Variants in COL28A1 observed in about 807,000 individuals in gnomAD.
COL28A1 encodes collagen type XXVIII alpha 1 chain, also known as collagen alpha-1(XXVIII) chain.
COL28A1 carries 161 observed loss-of-function variants against 150.2 expected under a neutral mutation model. The observed-to-expected ratio is 1.07, with a 90% CI of 0.94 to 1.22. The LOEUF is 1.22. Among genes scored for constraint, COL28A1 ranks in the 50% most tolerant of loss-of-function variants. The pLI is 0.00. For missense variants in COL28A1, 1,617 were observed against 1,388.3 expected, an observed-to-expected ratio of 1.16 and a Z score of -2.62; for synonymous variants, 552 against 469.7, an observed-to-expected ratio of 1.18 and a Z score of -2.26.
chr7:7,382,083 G>A (rs1231263869), intron 27 of COL28A1, among the ~76,000 whole-genome samples: 10 of 152,182 alleles, frequency 6.6e-5, no homozygotes, highest in African/African-American at 1.7e-4. Context: ...GCTGAGGCAG[G>A]TGGATCACCT....
At chr7:7,374,440 C>A (rs1044537596) in intron 31 of COL28A1, among the ~76,000 whole-genome samples, 1 of 152,116 alleles carries the variant, frequency 6.6e-6, no homozygotes. Flanking sequence ...CAGTCACCCA[C>A]AATGACAACT....
chr7:7,473,419 C>T (rs1417356434), intron 15 of COL28A1, among the ~76,000 whole-genome samples: 1 of 151,970 alleles, frequency 6.6e-6, no homozygotes, highest in East Asian at 1.9e-4. Flanking sequence ...TACAAATGGC[C>T]AACAAACATG....
chr7:7,473,604 C>A (rs371499408), intron 15 of COL28A1, among the ~76,000 whole-genome samples: 12 of 152,256 alleles, frequency 7.9e-5, no homozygotes, highest in African/African-American at 2.6e-4. Context: ...TAAACTAGTA[C>A]AACCAGTATG....
At chr7:7,521,379 T>G (rs1781715563) in intron 5 of COL28A1, among the ~76,000 whole-genome samples, 1 of 152,214 alleles carries the variant, frequency 6.6e-6, no homozygotes, top group African/African-American at 2.4e-5. Context: ...ATCCTGCCAT[T>G]TATTTTTGGT....
chr7:7,428,854 A>C (rs1378558254), intron 25 of COL28A1, among the ~76,000 whole-genome samples: 1 of 152,240 alleles, frequency 6.6e-6, no homozygotes, highest in Admixed American at 6.5e-5. Flanking sequence ...GGTCTTGCCG[A>C]ATTTGAATTA....
Position 7,531,914 on chromosome 7 carries a change from A to C in COL28A1, c.125-10T>G. The C allele has an allele frequency of 6.4e-7, 1 of 1,554,140 alleles. No individual in the cohort carries two copies. The highest frequency in any genetic ancestry group is 1.7e-4 in the Middle Eastern group (1 of 5,822). ...ATGAAACAAATGGAGCCTGAAACAG[A>C]ATAAACAGGTTAGGCAAAATAATTA... On this transcript the variant is annotated splice_polypyrimidine_tract_variant and intron_variant, in intron 2 of 34. Transcript: ENST00000399429.
chr7:7,526,548 C>G (rs554021426), intron 3 of COL28A1, among the ~76,000 whole-genome samples: 1 of 151,944 alleles, frequency 6.6e-6, no homozygotes, highest in Non-Finnish European at 1.5e-5. Context: ...TAATTCAAGT[C>G]AAATTGTAAT....
intron 32 of COL28A1, 97 bp from the exon 33 acceptor site, chr7:7,370,979 T>C: frequency 1.2e-6 from 1 of 818,310 alleles, no homozygotes; most frequent in Non-Finnish European, 1.9e-6. Flanking sequence ...AAATATGTAA[T>C]TTCCCATTAC....
intron 13 of COL28A1, among the ~76,000 whole-genome samples, chr7:7,479,540 A>T (rs555261914): frequency 1.3e-5 from 2 of 152,356 alleles, no homozygotes; most frequent in South Asian, 4.1e-4. Context: ...TGCTGTTTAC[A>T]TGTGTTTCAA....
At chr7:7,370,583 A>C in intron 33 of COL28A1, 142 bp downstream of exon 33, 1 of 516,950 alleles carries the variant, frequency 1.9e-6, no homozygotes, top group Non-Finnish European at 3.3e-6. Context: ...TCTAGAGTCA[A>C]GATACTAACA....
chr7:7,365,357 A>G (rs1780880897), intron 33 of COL28A1, among the ~76,000 whole-genome samples: 1 of 131,884 alleles, frequency 7.6e-6, no homozygotes, highest in Admixed American at 7.9e-5. Context: ...CTCCAGCTCT[A>G]AGCAGGGACA....
chr7:7,348,830 A>T, the COL28A1 span, among the ~76,000 whole-genome samples: 1 of 151,784 alleles, frequency 6.6e-6, no homozygotes, highest in African/African-American at 2.4e-5. Flanking sequence ...GCAGACTTGA[A>T]CTCCTGGGCT....
chr7:7,419,930 A>G lies in COL28A1; in HGVS notation c.2022T>C (p.Pro674=). ...GAKGEPGVRG[P]PGPSGPRGVG... is the part of the protein sequence containing the mutation. ...CGCCCCGAGGCCCAGAAGGACCTGG[A>G]GGGCCTCTGACCCCAGGCTCTCCCT... Residue 674 remains proline, a synonymous_variant, in exon 26 of 35, where the codon CCT becomes CCC. Transcript: ENST00000399429. 1 of 1,602,288 alleles carries G rather than the reference A, an allele frequency of 6.2e-7. No homozygotes were observed. The highest frequency in any genetic ancestry group is 8.5e-7 in the Non-Finnish European group (1 of 1,174,802).
At chr7:7,360,002 C>G (rs1335201720) in intron 34 of COL28A1, among the ~76,000 whole-genome samples, 1 of 152,122 alleles carries the variant, frequency 6.6e-6, no homozygotes, top group Non-Finnish European at 1.5e-5. Context: ...TCGCTTGTTT[C>G]TCTTTCCTGT....
chr7:7,491,558 A>G (rs1370629088), intron 11 of COL28A1, among the ~76,000 whole-genome samples: 1 of 152,250 alleles, frequency 6.6e-6, no homozygotes. Flanking sequence ...CTGTTACTCA[A>G]AGCCAGAGCA....
At chr7:7,515,187 T>G (rs545726456) in intron 8 of COL28A1, among the ~76,000 whole-genome samples, 63 of 152,364 alleles carry the variant, frequency 4.1e-4, no homozygotes, top group African/African-American at 1.5e-3. Flanking sequence ...GACTTATCAA[T>G]GAACCAGTGA....
chr7:7,436,924 G>C (rs1785386221), intron 22 of COL28A1, among the ~76,000 whole-genome samples: 1 of 152,142 alleles, frequency 6.6e-6, no homozygotes, highest in Non-Finnish European at 1.5e-5. Context: ...TGTAATCCCA[G>C]CTATTTGGGT....
chr7:7,524,203 T>C, intron 4 of COL28A1, 26 bp downstream of exon 4: 1 of 1,105,622 alleles, frequency 9.0e-7, no homozygotes, highest in Non-Finnish European at 1.4e-6. Flanking sequence ...GAGTAATTCG[T>C]AGTAATCAAA....
intron 6 of COL28A1, among the ~76,000 whole-genome samples, chr7:7,518,150 G>A (rs1353630594): frequency 6.6e-6 from 1 of 152,160 alleles, no homozygotes; most frequent in Non-Finnish European, 1.5e-5. Context: ...CTTGGAGCCA[G>A]TCACTCTGGC....
Sources: allele counts gnomAD v4.1 joint callset (sites outside exome capture counted in the v4.1 genomes callset), GRCh38; gene constraint gnomAD v4.1.1; transcripts MANE v1.5; gene names NCBI Gene and HGNC (gene_info 2026-07-23, HGNC 2026-07-21).